The following PRLR variants were observed in gnomAD, a reference collection of about 807,000 sequenced individuals.
PRLR encodes the protein hPRL receptor.
Under a neutral mutation model 40.2 loss-of-function variants are expected in PRLR, and 13 were observed. That is an observed-to-expected ratio of 0.32 (90% CI 0.21 to 0.51). The LOEUF is 0.51. PRLR is among the 20% of genes least tolerant of loss of function. The probability of loss-of-function intolerance (pLI) is 0.97; values close to 1 mark genes in which losing one functional copy is unlikely to be tolerated. For missense variants in PRLR, 656 were observed against 747.3 expected, an observed-to-expected ratio of 0.88 and a Z score of 1.42; for synonymous variants, 269 against 278.7, an observed-to-expected ratio of 0.97 and a Z score of 0.35.
intron 1 of PRLR, among the ~76,000 whole-genome samples, chr5:35,136,265 T>C (rs2962106): frequency 0.21 from 31,476 of 151,912 alleles, 5,867 homozygotes; most frequent in African/African-American, 0.5. Flanking sequence ...TTGAATTTCT[T>C]AGGTACAAGG....
intron 1 of PRLR, among the ~76,000 whole-genome samples, chr5:35,198,886 A>G (rs954918607): frequency 6.6e-6 from 1 of 152,186 alleles, no homozygotes; most frequent in African/African-American, 2.4e-5. Context: ...ATCTGCCTAC[A>G]ATGAGAAGCT....
chr5:35,106,017 C>T (rs1561303042), intron 2 of PRLR, among the ~76,000 whole-genome samples: 1 of 152,244 alleles, frequency 6.6e-6, no homozygotes, highest in Non-Finnish European at 1.5e-5. Flanking sequence ...ATCAGACTAA[C>T]AGTGGATCTC....
At chr5:35,104,994 A>G (rs1772141679) in intron 2 of PRLR, among the ~76,000 whole-genome samples, 3 of 152,158 alleles carry the variant, frequency 2.0e-5, no homozygotes, top group Admixed American at 6.5e-5. Flanking sequence ...GACACCTCAT[A>G]CACGCAGGTG....
rs1321493182 is a variant in PRLR at position 35,058,728 on chromosome 5, C to T, written c.*6361G>A. On this transcript the variant is annotated 3_prime_UTR_variant, in exon 10 of 10. Coordinates refer to ENST00000618457, the MANE Select transcript of PRLR (RefSeq NM_000949.7). Reference sequence around the variant, plus strand: ...TTGTATTACATGATGAGTTTCACAACATGAGGATTACATATTTCAATATGG... The same window carrying T: ...TTGTATTACATGATGAGTTTCACAATATGAGGATTACATATTTCAATATGG... 6.6e-6 allele frequency: 1 copy of T among 152,098 alleles called. No individual in the cohort carries two copies. Among genetic ancestry groups the T allele is most frequent in the African/African-American group, 2.4e-5 (1 of 41,418 alleles). The allele number at this position is 152,098 out of a possible 1,614,324, so 9.4% of individuals were successfully genotyped here. A position where few individuals can be genotyped will look rare whatever the true frequency, so the allele number is the denominator to read the frequency against.
chr5:35,088,558 T>C (rs1236461405), intron 3 of PRLR, among the ~76,000 whole-genome samples: 1 of 152,196 alleles, frequency 6.6e-6, no homozygotes, highest in African/African-American at 2.4e-5. Context: ...TATTTTACTG[T>C]TTATTAATAG....
intron 1 of PRLR, among the ~76,000 whole-genome samples, chr5:35,141,159 G>A (rs1774012942): frequency 1.3e-5 from 2 of 151,980 alleles, no homozygotes; most frequent in Admixed American, 1.3e-4. Context: ...AAAGATAGAA[G>A]GAGTCTGGGT....
chr5:35,079,826 G>A (rs918630604), intron 5 of PRLR, among the ~76,000 whole-genome samples: 6 of 152,114 alleles, frequency 3.9e-5, no homozygotes, highest in African/African-American at 1.4e-4. Flanking sequence ...CATGGTACTG[G>A]TACCAAAACA....
At chr5:35,075,459 T>A (rs1266233281) in intron 5 of PRLR, among the ~76,000 whole-genome samples, 1 of 152,116 alleles carries the variant, frequency 6.6e-6, no homozygotes, top group African/African-American at 2.4e-5. Flanking sequence ...CAGTCTGAGA[T>A]CAAACTGCAA....
rs572041945 is a variant in PRLR at position 35,175,484 on chromosome 5, G to T, written c.-106+54784C>A. On this transcript the variant is annotated intron_variant, in intron 1 of 9. Coordinates refer to ENST00000618457, the MANE Select transcript of PRLR (RefSeq NM_000949.7). ...GTGAGGACAGACTAATACAATGATG[G>T]GTAGACAGATGTGTGCTAGGTCCAG... is the stretch of plus-strand genomic sequence containing the variant. Among the ~76,000 whole-genome samples the T allele has an allele frequency of 2.6e-5, 4 of 152,266 alleles. No individual in the cohort carries two copies. In the South Asian group the frequency reaches 6.2e-4, roughly 24 times the overall value.
chr5:35,149,271 G>C (rs922220226), intron 1 of PRLR, among the ~76,000 whole-genome samples: 1 of 152,128 alleles, frequency 6.6e-6, no homozygotes, highest in Non-Finnish European at 1.5e-5. Flanking sequence ...TTTGTTTGTG[G>C]TTTTGAGAGC....
intron 2 of PRLR, among the ~76,000 whole-genome samples, chr5:35,096,311 C>T (rs909671814): frequency 6.6e-6 from 1 of 152,212 alleles, no homozygotes; most frequent in South Asian, 2.1e-4. Context: ...ATCCTAGCAA[C>T]ATCTTTTATC....
In PRLR at chr5:35,056,367, G is replaced by T. The variant is rs1011857871; in HGVS notation, c.*8722C>A. ...AGCAGGAATTACTCTGCATATTCTG[G>T]CCAGGAAGGTCCCTGGTGGGGGCTT... On this transcript the variant is annotated 3_prime_UTR_variant, in exon 10 of 10. Coordinates refer to ENST00000618457, the MANE Select transcript of PRLR (RefSeq NM_000949.7). The T allele has an allele frequency of 1.3e-5, 2 of 152,126 alleles. No homozygotes were observed. The highest frequency in any genetic ancestry group is 2.9e-5 in the Non-Finnish European group (2 of 68,032). The allele number at this position is 152,126 out of a possible 1,614,324, so 9.4% of individuals were successfully genotyped here.
At chr5:35,130,061 C>T (rs961397518) in intron 1 of PRLR, among the ~76,000 whole-genome samples, 7 of 152,096 alleles carry the variant, frequency 4.6e-5, no homozygotes, top group Non-Finnish European at 7.4e-5. Flanking sequence ...CTCCTGGCAC[C>T]GAATATCCTC....
chr5:35,051,413 G>A (rs1051876895), downstream of PRLR, among the ~76,000 whole-genome samples: 2 of 152,170 alleles, frequency 1.3e-5, no homozygotes, highest in African/African-American at 4.8e-5. Context: ...TTGAGCATAG[G>A]CCCTTCTCTC....
chr5:35,083,943 GTA>G (rs371256439), intron 5 of PRLR, among the ~76,000 whole-genome samples: 23 of 150,574 alleles, frequency 1.5e-4, no homozygotes, highest in Admixed American at 1.2e-3. Flanking sequence ...TACCAATGAT[GTA>G]TATATATATA....
chr5:35,193,527 A>G (rs1168651087), intron 1 of PRLR, among the ~76,000 whole-genome samples: 1 of 152,102 alleles, frequency 6.6e-6, no homozygotes, highest in Non-Finnish European at 1.5e-5. Context: ...TCTGGCTGAT[A>G]AGCTCTCTTG....
At chr5:35,215,767 G>A (rs1776270002) in intron 1 of PRLR, among the ~76,000 whole-genome samples, 1 of 151,824 alleles carries the variant, frequency 6.6e-6, no homozygotes, top group African/African-American at 2.4e-5. Context: ...CGGGCACGGT[G>A]GCGCATGCCT....
At chr5:35,160,763 A>G (rs1011890099) in intron 1 of PRLR, among the ~76,000 whole-genome samples, 8 of 152,164 alleles carry the variant, frequency 5.3e-5, no homozygotes, top group Non-Finnish European at 8.8e-5. Flanking sequence ...GGCCCCACCT[A>G]TAAGTGAATC....
At chr5:35,089,061 A>G (rs1771041946) in intron 3 of PRLR, among the ~76,000 whole-genome samples, 1 of 152,216 alleles carries the variant, frequency 6.6e-6, no homozygotes, top group Non-Finnish European at 1.5e-5. Context: ...TGTGGACTTC[A>G]TTTCTCCTGT....
Sources: gnomAD v4.1 joint callset for allele counts (sites outside exome capture counted in the v4.1 genomes callset) on GRCh38, gnomAD v4.1.1 for gene constraint, MANE v1.5 for transcripts, NCBI Gene and HGNC (gene_info 2026-07-23, HGNC 2026-07-21) for gene names.